The following RAD23A variants were observed in gnomAD, a reference collection of about 807,000 sequenced individuals.
RAD23A encodes RAD23 nucleotide excision repair protein A.
In RAD23A, 16 loss-of-function variants were observed where a neutral mutation model predicts 44.8. The ratio of observed to expected loss-of-function variants is 0.36; its 90% CI spans 0.24 to 0.54. The LOEUF (loss-of-function observed/expected upper bound fraction) is 0.54, where lower values mean the gene tolerates loss of function less well. Among genes scored for constraint, RAD23A ranks in the 20% least tolerant of loss-of-function variants. The pLI is 0.89. For missense variants in RAD23A, 380 were observed against 483.3 expected, an observed-to-expected ratio of 0.79 and a Z score of 2.00; for synonymous variants, 217 against 202.9, an observed-to-expected ratio of 1.07 and a Z score of -0.59.
intron 7 of RAD23A, chr19:12,949,642 G>A (rs1415728280): frequency 1.1e-5 from 6 of 567,376 alleles, no homozygotes; most frequent in South Asian, 4.7e-5. Flanking sequence ...AGAAGACACC[G>A]GAAACTTAGA....
At chr19:12,952,658 A>C in intron 7 of RAD23A, 31 bp from the exon 8 acceptor site, 1 of 1,585,798 alleles carries the variant, frequency 6.3e-7, no homozygotes, top group Non-Finnish European at 8.6e-7. Flanking sequence ...AGGGCTGTGA[A>C]TTACCTTCCC....
Position 12,947,840 on chromosome 19 carries a change from C to T in RAD23A, c.73-8C>T, listed in dbSNP as rs1163040204. The T allele has an allele frequency of 5.0e-6, 8 of 1,612,658 alleles. No individual in the cohort carries two copies. The highest frequency in any genetic ancestry group is 5.1e-6 in the Non-Finnish European group (6 of 1,179,682). ...GTCTCCAGTGACTGTCTGTACCACT[C>T]CCTCTAGGTGAAGGTGCTAAAGGAG... On this transcript the variant is annotated splice_polypyrimidine_tract_variant and splice_region_variant and intron_variant, in intron 1 of 8. Transcript: ENST00000586534.
In RAD23A at chr19:12,952,619, C is replaced by T. The variant is rs1355784901; in HGVS notation, c.814-70C>T. On this transcript the variant is annotated intron_variant, in intron 7 of 8. Coordinates refer to ENST00000586534, the MANE Select transcript of RAD23A (RefSeq NM_005053.4). ...GCCTGACTGAATGAAAAAGCAAGGG[C>T]TGTGATGACCTGGGGAGAGGAGGGG... 3 of 1,488,476 alleles carry T rather than the reference C, an allele frequency of 2.0e-6. No homozygotes were observed. The East Asian group carries it at 6.9e-5, about 34-fold the overall frequency. 92.2% of individuals were successfully genotyped at this position (1,488,476 alleles called of 1,614,324 possible).
intron 7 of RAD23A, among the ~76,000 whole-genome samples, chr19:12,950,607 TAGCC>T (rs1328256765): frequency 6.6e-6 from 1 of 152,110 alleles, no homozygotes; most frequent in African/African-American, 2.4e-5. Flanking sequence ...TTCACCCTGT[TAGCC>T]AGGATGGTCT....
In RAD23A at chr19:12,948,655, G is replaced by C; in HGVS notation, c.473-31G>C. ...CTGGGAGCTGCCCTTTCCTCTTCCTGGTGACCTAGGCTTTGCTGCTTCCTC... is the reference window on the plus strand; with the variant it reads ...CTGGGAGCTGCCCTTTCCTCTTCCTCGTGACCTAGGCTTTGCTGCTTCCTC... On this transcript the variant is annotated intron_variant, in intron 4 of 8. Transcript: ENST00000586534. This position sits in a 1 kb window ranked among gnomAD's most constrained non-coding sequence, Gnocchi z 5.5. The C allele has an allele frequency of 6.3e-7, 1 of 1,599,982 alleles. No homozygotes were observed. Among genetic ancestry groups the C allele is most frequent in the South Asian group, 1.1e-5 (1 of 89,774 alleles).
chr19:12,950,720 C>CT, intron 7 of RAD23A, among the ~76,000 whole-genome samples: 1 of 152,238 alleles, frequency 6.6e-6, no homozygotes, highest in Admixed American at 6.5e-5. Flanking sequence ...GCACTTTCTT[C>CT]TTTAATGTGA....
At chr19:12,946,069 T>TGGGGAGGG in intron 1 of RAD23A, 49 bp downstream of exon 1, 1 of 171,598 alleles carries the variant, frequency 5.8e-6, no homozygotes, top group Non-Finnish European at 1.0e-5. Context: ...GTTTCGGGGG[T>TGGGGAGGG]GGGGTGGGGG....
chr19:12,953,173 A>G lies in RAD23A; in HGVS notation c.*124A>G, dbSNP rs1971863147. 1.6e-5 allele frequency: 11 copies of G among 698,842 alleles called. No homozygotes were observed. The South Asian group carries it at 3.0e-4, about 19-fold the overall frequency. 43.3% of individuals were successfully genotyped at this position (698,842 alleles called of 1,614,324 possible). On this transcript the variant is annotated 3_prime_UTR_variant, in exon 9 of 9. Transcript: ENST00000586534. ...TGGAAAAAAAAATCAAAAATCTTAA[A>G]AAAACAAGCAAACAGTCCAGCTTCC...
chr19:12,953,022 CCT>C lies in RAD23A; in HGVS notation c.1066_1067del (p.Leu356GlufsTer5), dbSNP rs1354499159. On this transcript the variant is annotated frameshift_variant, in exon 9 of 9. Coordinates refer to ENST00000586534, the MANE Select transcript of RAD23A (RefSeq NM_005053.4). LOFTEE classifies it high-confidence loss of function. ...ATGAGAACTTGGCTGCCAACTTCCTCCTGAGTCAGAACTTTGATGACGAGTGA... is the reference window on the plus strand; with the variant it reads ...ATGAGAACTTGGCTGCCAACTTCCTCGAGTCAGAACTTTGATGACGAGTGA... ...KNENLAANFLLSQNFDDE is the reference protein window; with the variant it reads ...KNENLAANFLXSQNFDDE 1 of 1,613,912 alleles carries C rather than the reference CCT, an allele frequency of 6.2e-7. No individual in the cohort carries two copies. The highest frequency in any genetic ancestry group is 8.5e-7 in the Non-Finnish European group (1 of 1,179,992).
chr19:12,950,990 G>A (rs1282699779), intron 7 of RAD23A, among the ~76,000 whole-genome samples: 1 of 152,184 alleles, frequency 6.6e-6, no homozygotes, highest in African/African-American at 2.4e-5. Flanking sequence ...CTTGAACCCA[G>A]GAGGCAGAAA....
In RAD23A at chr19:12,948,277, C is replaced by T. The variant is rs1971717219; in HGVS notation, c.335C>T (p.Ser112Phe). The change falls in exon 3 of 9, where the codon TCC becomes TTC. Residue 112 changes from serine to phenylalanine, a missense_variant. Physicochemically the swap from Ser to Phe is radical, Grantham distance 155 (BLOSUM62 -2). Around this residue, in one of 3 missense-constraint regions of RAD23A, gnomAD observed 279 missense variants for 313.7 expected, o/e 0.89. Transcript: ENST00000586534. The surrounding 1 kb of genome is among the most constrained non-coding windows in gnomAD (Gnocchi z 5.5). The stretch of plus-strand genomic sequence containing the variant: ...CCGCCTGCCCCCACCTCAGGCATGT[C>T]CCATCCCCCACCTGCCGCCAGAGAG... Reference protein sequence around the residue: ...SFPPAPTSGMSHPPPAAREDK... With the variant: ...SFPPAPTSGMFHPPPAAREDK... The T allele has an allele frequency of 1.9e-6, 3 of 1,613,444 alleles. No homozygotes were observed. The highest frequency in any genetic ancestry group is 8.5e-7 in the Non-Finnish European group (1 of 1,179,722).
intron 7 of RAD23A, among the ~76,000 whole-genome samples, chr19:12,949,996 T>A (rs898318402): frequency 2.0e-5 from 3 of 151,924 alleles, no homozygotes; most frequent in South Asian, 4.2e-4. Context: ...CCTTGCCAGC[T>A]CCTCCTGGTC....
At chr19:12,952,281 C>T (rs1316251024) in intron 7 of RAD23A, 1 of 172,116 alleles carries the variant, frequency 5.8e-6, no homozygotes, top group Non-Finnish European at 1.3e-5. Context: ...ACTGCAGCCT[C>T]CGCCTCCTGG....
rs752583193 is a variant in RAD23A at position 12,945,944 on chromosome 19, C to T, written c.-5C>T. Reference sequence around the variant, plus strand: ...CCGGGGCCGCCGCGTCGCTCGGGCCCCGCCATGGCCGTCACCATCACGCTC... The same window carrying T: ...CCGGGGCCGCCGCGTCGCTCGGGCCTCGCCATGGCCGTCACCATCACGCTC... On this transcript the variant is annotated 5_prime_UTR_variant, in exon 1 of 9. Coordinates refer to ENST00000586534, the MANE Select transcript of RAD23A (RefSeq NM_005053.4). The T allele has an allele frequency of 6.2e-7, 1 of 1,607,370 alleles. No individual in the cohort carries two copies. Among genetic ancestry groups the T allele is most frequent in the South Asian group, 1.1e-5 (1 of 90,824 alleles).
intron 7 of RAD23A, 50 bp downstream of exon 7, chr19:12,949,458 C>G (rs773458045): frequency 8.8e-6 from 14 of 1,595,104 alleles, no homozygotes; most frequent in Non-Finnish European, 1.2e-5. Flanking sequence ...TTTCCCTTCC[C>G]TGTGGGCACC....
At chr19:12,947,737 A>T (rs1599666817) in intron 1 of RAD23A, 111 bp from the exon 2 acceptor site, 18 of 1,035,876 alleles carry the variant, frequency 1.7e-5, no homozygotes, top group Non-Finnish European at 2.4e-5. Context: ...AGCTTAAAAA[A>T]CCCAGCGTGC....
chr19:12,948,146 G>A lies in RAD23A; in HGVS notation c.235-31G>A. 1 of 1,613,688 alleles carries A rather than the reference G, an allele frequency of 6.2e-7. No homozygotes were observed. ...GGTTGTTGGGTCTGATAGGGTTGCTGATGCCAGCTCCCTTTTTCTTGCTGT... is the reference window on the plus strand; with the variant it reads ...GGTTGTTGGGTCTGATAGGGTTGCTAATGCCAGCTCCCTTTTTCTTGCTGT... On this transcript the variant is annotated intron_variant, in intron 2 of 8. Transcript: ENST00000586534. This position sits in a 1 kb window ranked among gnomAD's most constrained non-coding sequence, Gnocchi z 5.5.
chr19:12,948,971 G>A lies in RAD23A; in HGVS notation c.601-110G>A, dbSNP rs2146035637. On this transcript the variant is annotated intron_variant, in intron 5 of 8. Coordinates refer to ENST00000586534, the MANE Select transcript of RAD23A (RefSeq NM_005053.4). This position sits in a 1 kb window ranked among gnomAD's most constrained non-coding sequence, Gnocchi z 5.5. The stretch of plus-strand genomic sequence containing the variant: ...CCACAGGAGGCTGGATGTGAGTGAT[G>A]GGTGGGCCTCTGGAGGGCAGGGCCG... The A allele has an allele frequency of 6.6e-7, 1 of 1,521,170 alleles. No individual in the cohort carries two copies. 94.2% of individuals were successfully genotyped at this position (1,521,170 alleles called of 1,614,324 possible). A position where few individuals can be genotyped will look rare whatever the true frequency, so the allele number is the denominator to read the frequency against.
chr19:12,947,969 G>A lies in RAD23A; in HGVS notation c.194G>A (p.Arg65His), dbSNP rs1971709288. The A allele has an allele frequency of 2.5e-6, 4 of 1,613,734 alleles. No homozygotes were observed. Among genetic ancestry groups the A allele is most frequent in the East Asian group, 2.2e-5 (1 of 44,896 alleles). Residue 65 changes from arginine (R) to histidine (H), a missense_variant, in exon 2 of 9, where the codon CGC (arginine) becomes CAC (histidine). Arg to His is a conservative substitution (Grantham distance 29). This residue lies in a region of RAD23A where 70 missense variants were observed against 106.0 expected (regional missense o/e 0.66). Coordinates refer to ENST00000586534, the MANE Select transcript of RAD23A (RefSeq NM_005053.4). ...LSDDVPIRDY[R>H]IDEKNFVVVM... The stretch of plus-strand genomic sequence containing the variant: ...GACGATGTCCCTATCAGGGACTATC[G>A]CATCGATGAGAAGAACTTTGTGGTC...
Sources: allele counts gnomAD v4.1 joint callset (sites outside exome capture counted in the v4.1 genomes callset), GRCh38; gene constraint gnomAD v4.1.1; regional missense constraint gnomAD v4.1.1; non-coding constraint Gnocchi (gnomAD v3.1); transcripts MANE v1.5; gene names NCBI Gene and HGNC (gene_info 2026-07-23, HGNC 2026-07-21).